RBFOX1: variants seen among roughly 807,000 people sequenced by gnomAD.
RBFOX1 encodes RNA binding fox-1 homolog 1.
In RBFOX1, 8 loss-of-function variants were observed where a neutral mutation model predicts 57.7. The ratio of observed to expected loss-of-function variants is 0.14; its 90% CI spans 0.08 to 0.25. The LOEUF (loss-of-function observed/expected upper bound fraction) is 0.25, where lower values mean the gene tolerates loss of function less well. Among genes scored for constraint, RBFOX1 ranks in the 10% least tolerant of loss-of-function variants. The pLI, the probability that RBFOX1 is intolerant of heterozygous loss-of-function variation, is 1.00. For synonymous variants in RBFOX1, 326 were observed against 222.4 expected, an observed-to-expected ratio of 1.47 and a Z score of -4.15; for missense variants, 611 against 548.5, an observed-to-expected ratio of 1.11 and a Z score of -1.14.
intron 3 of RBFOX1, among the ~76,000 whole-genome samples, chr16:5,780,738 G>C (rs2054298710): frequency 6.6e-6 from 1 of 152,162 alleles, no homozygotes; most frequent in East Asian, 1.9e-4. Context: ...TAAGTCACTT[G>C]AGTACAAGAT....
At chr16:7,437,596 A>G (rs537917150) in intron 4 of RBFOX1, among the ~76,000 whole-genome samples, 82 of 152,332 alleles carry the variant, frequency 5.4e-4, no homozygotes, top group African/African-American at 1.9e-3. Flanking sequence ...GCTCCCCGGC[A>G]ACATAAAAAT....
At chr16:5,393,589 C>G (rs1419453624) in intron 1 of RBFOX1, among the ~76,000 whole-genome samples, 1 of 152,146 alleles carries the variant, frequency 6.6e-6, no homozygotes, top group Non-Finnish European at 1.5e-5. Flanking sequence ...TGGAGCAGAC[C>G]AGGGCCTGGT....
At chr16:6,265,991 C>G (rs1054230059) in intron 1 of RBFOX1, among the ~76,000 whole-genome samples, 11 of 152,182 alleles carry the variant, frequency 7.2e-5, no homozygotes, top group African/African-American at 2.4e-4. Context: ...ATTCTGGCTT[C>G]TCTTTTTGTG....
At chr16:7,333,126 A>G in intron 4 of RBFOX1, 1 of 1,566,342 alleles carries the variant, frequency 6.4e-7, no homozygotes, top group Non-Finnish European at 8.8e-7. Context: ...ACTTAACTCC[A>G]GAGTGCTCAG....
intron 3 of RBFOX1, among the ~76,000 whole-genome samples, chr16:6,711,439 A>T (rs115421521): frequency 2.6e-5 from 4 of 152,160 alleles, no homozygotes; most frequent in South Asian, 2.1e-4. Flanking sequence ...CTCATCTTGA[A>T]TGGTAATCCC....
intron 9 of RBFOX1, among the ~76,000 whole-genome samples, chr16:7,606,295 G>A (rs2095283532): frequency 6.6e-6 from 1 of 151,506 alleles, no homozygotes. Flanking sequence ...CTAATTTTTT[G>A]TATTTTTAGT....
chr16:5,893,612 A>G (rs906143899), intron 4 of RBFOX1, among the ~76,000 whole-genome samples: 2 of 152,238 alleles, frequency 1.3e-5, no homozygotes, highest in South Asian at 4.2e-4. Flanking sequence ...TTCGAGACCA[A>G]CCTGGCCAAC....
At chr16:6,146,085 A>T (rs2096755892) in intron 1 of RBFOX1, among the ~76,000 whole-genome samples, 1 of 152,136 alleles carries the variant, frequency 6.6e-6, no homozygotes, top group South Asian at 2.1e-4. Flanking sequence ...GCTGTGTTCT[A>T]ACTATGGTGC....
chr16:7,211,473 A>G (rs1444726969), intron 4 of RBFOX1, among the ~76,000 whole-genome samples: 1 of 151,846 alleles, frequency 6.6e-6, no homozygotes, highest in African/African-American at 2.4e-5. Flanking sequence ...TCATAGGGAT[A>G]GAAATTCTAG....
At chr16:7,210,056 C>A (rs964138498) in intron 4 of RBFOX1, among the ~76,000 whole-genome samples, 3 of 152,166 alleles carry the variant, frequency 2.0e-5, no homozygotes, top group Admixed American at 1.3e-4. Context: ...GTGCAGATTT[C>A]CCAAAGGAAG....
chr16:7,654,773 C>T (rs1197055638), intron 12 of RBFOX1, among the ~76,000 whole-genome samples: 2 of 152,178 alleles, frequency 1.3e-5, no homozygotes, highest in African/African-American at 2.4e-5. Context: ...GGCAGTGGCC[C>T]TAGACCAGGG....
At chr16:6,828,558 C>G (rs78778940) in intron 3 of RBFOX1, among the ~76,000 whole-genome samples, 1,881 of 151,714 alleles carry the variant, frequency 0.012, 42 homozygotes, top group African/African-American at 0.043. Context: ...TTTCATATGA[C>G]TAGAGGCTGT....
At chr16:6,752,711 C>T (rs1345893325) in intron 3 of RBFOX1, among the ~76,000 whole-genome samples, 2 of 152,152 alleles carry the variant, frequency 1.3e-5, no homozygotes, top group East Asian at 1.9e-4. Context: ...GCAACAGGTG[C>T]ACCTATCTTG....
chr16:6,558,809 G>C (rs1209142285), intron 2 of RBFOX1, among the ~76,000 whole-genome samples: 2 of 114,562 alleles, frequency 1.7e-5, no homozygotes, highest in African/African-American at 6.9e-5. Flanking sequence ...AAGCCCACTA[G>C]CTCTTGCCTT....
intron 4 of RBFOX1, among the ~76,000 whole-genome samples, chr16:5,872,724 A>C (rs1346059952): frequency 6.6e-6 from 1 of 152,288 alleles, no homozygotes; most frequent in South Asian, 2.1e-4. Context: ...TGACAGAGCT[A>C]GACCCTGTCT....
rs201022485 is a variant in RBFOX1 at position 6,529,568 on chromosome 16, AATT to A, written c.-63-125027_-63-125025del. 2.6e-3 allele frequency among the ~76,000 whole-genome samples: 237 copies of A among 91,426 alleles called. 1 individual carries two copies. The highest frequency in any genetic ancestry group is 8.0e-3 in the African/African-American group (216 of 26,944). The allele number at this position is 91,426 out of a possible 152,430, so 60.0% of individuals were successfully genotyped here. A position where few individuals can be genotyped will look rare whatever the true frequency, so the allele number is the denominator to read the frequency against. On this transcript the variant is annotated intron_variant, in intron 2 of 15. Transcript: ENST00000550418. ...AGACTCCATCTCAAATAATAATAAT[AATT>A]ATTATTAATAATATATTATTATTTA...
At chr16:6,515,153 C>A (rs759214757) in intron 2 of RBFOX1, among the ~76,000 whole-genome samples, 2 of 152,126 alleles carry the variant, frequency 1.3e-5, no homozygotes, top group Non-Finnish European at 2.9e-5. Context: ...TGTGGTCAGA[C>A]CTTGACATTT....
intron 1 of RBFOX1, among the ~76,000 whole-genome samples, chr16:5,414,596 C>G (rs1456641293): frequency 6.6e-6 from 1 of 152,146 alleles, no homozygotes; most frequent in Non-Finnish European, 1.5e-5. Context: ...GTCCAGCTTC[C>G]AGAAAGCTTA....
chr16:5,748,030 C>CT (rs1266004699), intron 3 of RBFOX1, among the ~76,000 whole-genome samples: 1 of 152,180 alleles, frequency 6.6e-6, no homozygotes, highest in African/African-American at 2.4e-5. Context: ...AAATTTCCCT[C>CT]TACACACTGC....
Sources: gnomAD v4.1 joint callset for allele counts (sites outside exome capture counted in the v4.1 genomes callset) on GRCh38, gnomAD v4.1.1 for gene constraint, MANE v1.5 for transcripts, NCBI Gene and HGNC (gene_info 2026-07-23, HGNC 2026-07-21) for gene names.